NSD1: variants seen among roughly 807,000 people sequenced by gnomAD.
NSD1 encodes the protein nuclear receptor binding SET domain protein 1, also known as histone-lysine N-methyltransferase, H3 lysine-36 specific.
In NSD1, 26 loss-of-function variants were observed where a neutral mutation model predicts 242.7. The observed-to-expected ratio is 0.11, with a 90% CI of 0.08 to 0.15. The LOEUF (loss-of-function observed/expected upper bound fraction) is 0.15, where lower values mean the gene tolerates loss of function less well. NSD1 is among the 10% of genes least tolerant of loss of function. The pLI, the probability that NSD1 is intolerant of heterozygous loss-of-function variation, is 1.00. For synonymous variants in NSD1, 1,106 were observed against 1,178.1 expected (o/e 0.94, Z 1.25); for missense variants, 2,495 against 3,272.8 (o/e 0.76, Z 5.80).
At chr5:177,138,207 G>A (rs756140810) in intron 2 of NSD1, among the ~76,000 whole-genome samples, 1 of 151,522 alleles carries the variant, frequency 6.6e-6, no homozygotes, top group African/African-American at 2.4e-5. Flanking sequence ...TTTTTTTCAG[G>A]GAGAAATTGA....
intron 12 of NSD1, among the ~76,000 whole-genome samples, chr5:177,252,719 T>A (rs1315896090): frequency 1.3e-4 from 19 of 151,170 alleles, no homozygotes; most frequent in Admixed American, 1.3e-3. Context: ...GCGTGGGCAA[T>A]TTTTTTTATT....
intron 16 of NSD1, among the ~76,000 whole-genome samples, chr5:177,271,630 A>G (rs1757949381): frequency 6.6e-6 from 1 of 152,184 alleles, no homozygotes; most frequent in African/African-American, 2.4e-5. Context: ...TGAATCTATT[A>G]ATAAAATCCT....
At position 177,257,138 on chromosome 5, in the gene NSD1, T is replaced by G. The variant is rs774294100; in HGVS notation, c.4953T>G (p.Val1651=). 2 of 1,614,032 alleles carry G rather than the reference T, an allele frequency of 1.2e-6. No individual in the cohort carries two copies. Among genetic ancestry groups the G allele is most frequent in the Non-Finnish European group, 1.7e-6 (2 of 1,179,894 alleles). Residue 1651 remains valine (V), a synonymous_variant, in exon 13 of 23, where the codon GTT becomes GTG. Transcript: ENST00000439151. ...ITCHAANPAN[V]SASKGRLMRC... Reference sequence around the variant, plus strand: ...GTCATGCTGCTAATCCAGCCAATGTTTCTGCATCTAAAGGTATGGATTTCT... The same window carrying G: ...GTCATGCTGCTAATCCAGCCAATGTGTCTGCATCTAAAGGTATGGATTTCT...
intron 2 of NSD1, among the ~76,000 whole-genome samples, chr5:177,185,884 A>G (rs1209391743): frequency 1.2e-5 from 1 of 85,482 alleles, no homozygotes; most frequent in African/African-American, 5.1e-5. Flanking sequence ...ATTAATATAT[A>G]TAATATATTT....
rs1757385474 is a variant in NSD1, at chr5:177,265,797, T to G, written c.5147-1765T>G. 9.2e-6 allele frequency: 13 copies of G among 1,410,556 alleles called. No individual in the cohort carries two copies. In the African/African-American group the frequency reaches 1.7e-4, roughly 18 times the overall value. The allele number at this position is 1,410,556 out of a possible 1,614,324, so 87.4% of individuals were successfully genotyped here. On this transcript the variant is annotated intron_variant, in intron 14 of 22. Transcript: ENST00000439151. ...ATGGTGGAGAAGCCGGTCCCTCCGGTCCTCTTGTGGCAGTGCGTAAACTCG... is the reference window on the plus strand; with the variant it reads ...ATGGTGGAGAAGCCGGTCCCTCCGGGCCTCTTGTGGCAGTGCGTAAACTCG...
Position 177,260,084 on chromosome 5 carries a change from A to G in NSD1, c.5062A>G (p.Ile1688Val). 3 of 1,614,150 alleles carry G rather than the reference A, an allele frequency of 1.9e-6. No homozygotes were observed. The highest frequency in any genetic ancestry group is 2.5e-6 in the Non-Finnish European group (3 of 1,180,032). ...AAAGATCCTTGCATCTAATAGTATCATCTGCCCTAATCACTTTACCCCTAG... is the reference window on the plus strand; with the variant it reads ...AAAGATCCTTGCATCTAATAGTATCGTCTGCCCTAATCACTTTACCCCTAG... ...GSKILASNSIICPNHFTPRRG... is the reference protein window; with the variant it reads ...GSKILASNSIVCPNHFTPRRG... The change falls in exon 14 of 23, where the codon ATC (isoleucine) becomes GTC (valine). Residue 1688 changes from isoleucine (I) to valine (V), a missense_variant. By Grantham distance (29) the Ile-to-Val change is conservative (BLOSUM62 3). Transcript: ENST00000439151.
Position 177,238,647 on chromosome 5 carries a change from G to C in NSD1, c.4192+140G>C. 1 of 945,728 alleles carries C rather than the reference G, an allele frequency of 1.1e-6. No individual in the cohort carries two copies. Among genetic ancestry groups the C allele is most frequent in the Non-Finnish European group, 1.7e-6 (1 of 605,864 alleles). The allele number at this position is 945,728 out of a possible 1,614,324, so 58.6% of individuals were successfully genotyped here. A position where few individuals can be genotyped will look rare whatever the true frequency, so the allele number is the denominator to read the frequency against. On this transcript the variant is annotated intron_variant, in intron 7 of 22. Transcript: ENST00000439151. The surrounding 1 kb of genome is among the most constrained non-coding windows in gnomAD (Gnocchi z 4.6). ...TTTTGTCCTGGGAAATACTTAAAAT[G>C]ATGGTTAATTAGATATAGTTACTAA... is the stretch of plus-strand genomic sequence containing the variant.
At chr5:177,177,497 A>C (rs1760302568) in intron 2 of NSD1, among the ~76,000 whole-genome samples, 5 of 152,002 alleles carry the variant, frequency 3.3e-5, no homozygotes, top group Admixed American at 3.3e-4. Context: ...GTGACAGAGC[A>C]AGACTCTTTC....
chr5:177,214,707 A>G (rs1239258557), intron 5 of NSD1, among the ~76,000 whole-genome samples: 5 of 143,442 alleles, frequency 3.5e-5, no homozygotes, highest in African/African-American at 1.0e-4. Flanking sequence ...TTACTGTGTC[A>G]CCCAGGCTGG....
At chr5:177,201,439 A>T (rs1256097221) in intron 3 of NSD1, among the ~76,000 whole-genome samples, 1 of 151,468 alleles carries the variant, frequency 6.6e-6, no homozygotes, top group Non-Finnish European at 1.5e-5. Context: ...AACCTTTATT[A>T]GTTTCCCTTT....
chr5:177,227,052 C>T (rs1384533282), intron 5 of NSD1, among the ~76,000 whole-genome samples: 1 of 151,940 alleles, frequency 6.6e-6, no homozygotes, highest in Non-Finnish European at 1.5e-5. Flanking sequence ...GTTAAAATAT[C>T]CCGTTAGAGA....
At chr5:177,257,817 T>TTTTA (rs146566828) in intron 13 of NSD1, among the ~76,000 whole-genome samples, 200 of 139,736 alleles carry the variant, frequency 1.4e-3, no homozygotes, top group East Asian at 0.013. Context: ...CTGGGCTTTT[T>TTTTA]TTTTATTTTA....
chr5:177,226,127 A>G (rs914019057), intron 5 of NSD1, among the ~76,000 whole-genome samples: 1 of 152,074 alleles, frequency 6.6e-6, no homozygotes, highest in Non-Finnish European at 1.5e-5. Context: ...GCTCACTGCA[A>G]CCTTTGCCTC....
intron 4 of NSD1, among the ~76,000 whole-genome samples, chr5:177,207,617 T>G (rs1762991666): frequency 6.9e-6 from 1 of 144,822 alleles, no homozygotes; most frequent in African/African-American, 2.6e-5. Flanking sequence ...TTTTTTTTTT[T>G]TTTTTAGAGA....
intron 2 of NSD1, 142 bp downstream of exon 2, chr5:177,136,172 A>C: frequency 1.4e-6 from 1 of 700,102 alleles, no homozygotes; most frequent in Non-Finnish European, 2.4e-6. Flanking sequence ...GCTTTGGGCA[A>C]AATTTTACTT....
At chr5:177,284,003 G>T (rs574964288) in intron 20 of NSD1, 75 bp downstream of exon 20, 639 of 1,547,048 alleles carry the variant, frequency 4.1e-4, no homozygotes, top group Admixed American at 5.7e-4. Flanking sequence ...AGCTTCCTCA[G>T]ATTATAATTT....
At chr5:177,159,992 C>T (rs1263188251) in intron 2 of NSD1, among the ~76,000 whole-genome samples, 2 of 152,076 alleles carry the variant, frequency 1.3e-5, no homozygotes, top group African/African-American at 4.8e-5. Context: ...CTGGCTCAAG[C>T]GATTCTCCTG....
At chr5:177,283,951 G>A in intron 20 of NSD1, 23 bp downstream of exon 20, 1 of 1,613,738 alleles carries the variant, frequency 6.2e-7, no homozygotes, top group South Asian at 1.1e-5. Context: ...TCAGGATTCT[G>A]CAGCTGACAT....
intron 8 of NSD1, among the ~76,000 whole-genome samples, chr5:177,241,902 AGATT>A (rs1765901637): frequency 6.6e-6 from 1 of 152,294 alleles, no homozygotes; most frequent in South Asian, 2.1e-4. Flanking sequence ...ACAGAATGAG[AGATT>A]GATCTGTTCT....
Sources: allele counts gnomAD v4.1 joint callset (sites outside exome capture counted in the v4.1 genomes callset), GRCh38; gene constraint gnomAD v4.1.1; non-coding constraint Gnocchi (gnomAD v3.1); transcripts MANE v1.5; gene names NCBI Gene and HGNC (gene_info 2026-07-23, HGNC 2026-07-21).